Variants in RBM6 observed in about 807,000 individuals in gnomAD.
RBM6 encodes the protein RNA binding motif protein 6, also known as RNA-binding protein 6.
Under a neutral mutation model 140.4 loss-of-function variants are expected in RBM6, and 23 were observed. That is an observed-to-expected ratio of 0.16 (90% CI 0.12 to 0.23). RBM6 has a LOEUF of 0.23. Among genes scored for constraint, RBM6 ranks in the 10% least tolerant of loss-of-function variants. RBM6 has a pLI of 1.00. For synonymous variants in RBM6, 439 were observed against 475.6 expected (o/e 0.92, Z 1.00); for missense variants, 1,139 against 1,386.7 (o/e 0.82, Z 2.84).
At chr3:50,065,355 C>G (rs938835437) in intron 16 of RBM6, among the ~76,000 whole-genome samples, 7 of 152,216 alleles carry the variant, frequency 4.6e-5, no homozygotes, top group Non-Finnish European at 1.0e-4. Context: ...CTCTTTCTCT[C>G]TGCCCTGTGC....
At chr3:49,962,738 G>GT in intron 2 of RBM6, 53 bp downstream of exon 2, 2 of 1,416,034 alleles carry the variant, frequency 1.4e-6, no homozygotes, top group South Asian at 1.3e-5. Flanking sequence ...TTATAAATGT[G>GT]TAACATTTTC....
chr3:50,061,794 A>C, intron 14 of RBM6, 168 bp from the exon 15 acceptor site: 2 of 1,250,878 alleles, frequency 1.6e-6, no homozygotes, highest in Non-Finnish European at 2.2e-6. Context: ...GGGTGGTCTG[A>C]ATGTGTCCTG....
intron 6 of RBM6, among the ~76,000 whole-genome samples, chr3:50,023,374 C>T (rs369479918): frequency 2.4e-4 from 37 of 152,180 alleles, no homozygotes; most frequent in Admixed American, 4.6e-4. Context: ...GGCGCGATCT[C>T]GGCTGACTGC....
chr3:50,051,069 G>T (rs952614486), intron 7 of RBM6, among the ~76,000 whole-genome samples: 1 of 152,126 alleles, frequency 6.6e-6, no homozygotes, highest in Non-Finnish European at 1.5e-5. Flanking sequence ...GAGATAAGGT[G>T]TGGCTCATGG....
At chr3:50,052,446 C>T (rs1012227903) in intron 7 of RBM6, among the ~76,000 whole-genome samples, 3 of 152,150 alleles carry the variant, frequency 2.0e-5, no homozygotes, top group Admixed American at 6.5e-5. Flanking sequence ...ATACTTTATT[C>T]GTTGGCATGT....
intron 6 of RBM6, among the ~76,000 whole-genome samples, chr3:50,040,464 AAAAAAAAATATATAT>A (rs1300128184): frequency 8.7e-4 from 46 of 52,690 alleles, no homozygotes; most frequent in South Asian, 4.4e-3. Flanking sequence ...AAAAAAAAAA[AAAAAAAAATATATAT>A]ATATATATAT....
intron 5 of RBM6, among the ~76,000 whole-genome samples, chr3:49,988,939 T>C (rs747812457): frequency 4.2e-5 from 6 of 143,666 alleles, no homozygotes; most frequent in Non-Finnish European, 9.4e-5. Flanking sequence ...AGAGTGAGAC[T>C]CCATCTCAAA....
At chr3:50,013,248 C>T (rs1346610857) in intron 6 of RBM6, among the ~76,000 whole-genome samples, 1 of 152,084 alleles carries the variant, frequency 6.6e-6, no homozygotes, top group African/African-American at 2.4e-5. Flanking sequence ...TTGGGATTTA[C>T]TTTGTCGGTG....
intron 1 of RBM6, among the ~76,000 whole-genome samples, chr3:49,955,289 AC>A (rs954092842): frequency 1.4e-5 from 2 of 142,664 alleles, no homozygotes; most frequent in Non-Finnish European, 3.0e-5. Flanking sequence ...TCCTACCTCA[AC>A]CTCTGCAGTA....
intron 6 of RBM6, among the ~76,000 whole-genome samples, chr3:50,028,976 A>G (rs2087992684): frequency 6.6e-6 from 1 of 152,180 alleles, no homozygotes. Context: ...CAATTAGTAG[A>G]TACTATTTCT....
chr3:49,962,829 G>A, intron 2 of RBM6, 144 bp downstream of exon 2: 1 of 757,396 alleles, frequency 1.3e-6, no homozygotes, highest in Non-Finnish European at 2.0e-6. Flanking sequence ...TGGGCGCGGT[G>A]GCTCACGCCT....
intron 6 of RBM6, among the ~76,000 whole-genome samples, chr3:50,015,626 G>A (rs1411318954): frequency 6.6e-6 from 1 of 150,976 alleles, no homozygotes; most frequent in Non-Finnish European, 1.5e-5. Context: ...TAGAGGCGGG[G>A]TTTCACCATG....
intron 6 of RBM6, among the ~76,000 whole-genome samples, 184 bp downstream of exon 6, chr3:49,999,697 T>C (rs962839414): frequency 6.6e-6 from 1 of 151,942 alleles, no homozygotes; most frequent in Admixed American, 6.6e-5. Flanking sequence ...CTACAAAACT[T>C]AATGGGCACA....
At chr3:49,940,823 G>A (rs1005368525) in intron 1 of RBM6, 1 of 149,986 alleles carries the variant, frequency 6.7e-6, no homozygotes, top group South Asian at 2.1e-4. Flanking sequence ...CATTAGCGGT[G>A]TAAATAGATG....
At position 50,050,380 on chromosome 3, in the gene RBM6, A is replaced by G. The variant is rs373284276; in HGVS notation, c.1632+2061A>G. On this transcript the variant is annotated intron_variant, in intron 7 of 20. Coordinates refer to ENST00000266022, the MANE Select transcript of RBM6 (RefSeq NM_005777.3). ...TTTCAGAGTTCATGTATGTTGCAGT[A>G]TTTATCAGTACCTCATTTCTTTTTG... Among the ~76,000 whole-genome samples, 18 of 152,282 alleles carry G rather than the reference A, an allele frequency of 1.2e-4. No individual in the cohort carries two copies. The East Asian group carries it at 2.3e-3, about 20-fold the overall frequency.
intron 1 of RBM6, among the ~76,000 whole-genome samples, chr3:49,955,844 G>GTCTCTCTC (rs150607037): frequency 2.8e-5 from 4 of 145,014 alleles, no homozygotes; most frequent in African/African-American, 1.0e-4. Context: ...CTCTCTCTGT[G>GTCTCTCTC]TCTCTCTCTC....
At chr3:50,009,386 A>AT (rs1032737641) in intron 6 of RBM6, among the ~76,000 whole-genome samples, 1 of 152,116 alleles carries the variant, frequency 6.6e-6, no homozygotes, top group African/African-American at 2.4e-5. Flanking sequence ...ATTGAGTGTT[A>AT]TTAGGTATCT....
intron 5 of RBM6, among the ~76,000 whole-genome samples, chr3:49,986,715 TTCTCTTCTCC>T: frequency 6.6e-6 from 1 of 151,850 alleles, no homozygotes; most frequent in Non-Finnish European, 1.5e-5. Context: ...TTTCTCTCTC[TTCTCTTCTCC>T]TCTCTTCTCT....
chr3:50,055,757 A>G (rs2089672281), intron 8 of RBM6, among the ~76,000 whole-genome samples: 1 of 152,244 alleles, frequency 6.6e-6, no homozygotes, highest in Non-Finnish European at 1.5e-5. Flanking sequence ...TTGTTAAAAT[A>G]ACAGTAAAAA....
Sources: allele counts gnomAD v4.1 joint callset (sites outside exome capture counted in the v4.1 genomes callset), GRCh38; gene constraint gnomAD v4.1.1; transcripts MANE v1.5; gene names NCBI Gene and HGNC (gene_info 2026-07-23, HGNC 2026-07-21).